Variants in SLC38A7 observed in about 807,000 individuals in gnomAD.
The protein encoded by SLC38A7 is solute carrier family 38 member 7, also known as sodium-coupled neutral amino acid transporter 7.
A neutral mutation model predicts 50.1 loss-of-function variants in SLC38A7; 29 were observed. That is an observed-to-expected ratio of 0.58 (90% CI 0.43 to 0.79). The LOEUF is 0.79. Ranked by LOEUF, SLC38A7 falls within the 30% of genes least tolerant of loss-of-function variation. The pLI is 0.00. For missense variants in SLC38A7, 483 were observed against 610.6 expected (o/e 0.79, Z 2.20); for synonymous variants, 244 against 245.9 (o/e 0.99, Z 0.07).
At chr16:58,672,923 CCTT>C (rs962067999) in intron 8 of SLC38A7, among the ~76,000 whole-genome samples, 5 of 151,796 alleles carry the variant, frequency 3.3e-5, no homozygotes, top group African/African-American at 1.2e-4. Flanking sequence ...CTACACCCAG[CCTT>C]CTTCTTTTTT....
intron 9 of SLC38A7, chr16:58,671,496 G>A (rs1313788329): frequency 1.7e-6 from 1 of 573,082 alleles, no homozygotes; most frequent in East Asian, 2.9e-5. Context: ...AAAAGGAACT[G>A]TCTGGGGCAT....
intron 2 of SLC38A7, among the ~76,000 whole-genome samples, chr16:58,682,901 C>CA (rs1371600606): frequency 1.3e-5 from 2 of 152,170 alleles, no homozygotes; most frequent in African/African-American, 4.8e-5. Flanking sequence ...GCTAGGATTA[C>CA]AGGCGTGAGC....
intron 2 of SLC38A7, among the ~76,000 whole-genome samples, chr16:58,683,421 C>G (rs2044433227): frequency 6.6e-6 from 1 of 152,182 alleles, no homozygotes; most frequent in South Asian, 2.1e-4. Flanking sequence ...CATCTGTTAT[C>G]AAGCATGGAA....
intron 11 of SLC38A7, 84 bp downstream of exon 11, chr16:58,670,029 C>A (rs1001823767): frequency 5.8e-6 from 7 of 1,203,312 alleles, no homozygotes; most frequent in Non-Finnish European, 8.4e-6. Context: ...AAGCCTCTGA[C>A]TCCTATCTGT....
intron 6 of SLC38A7, among the ~76,000 whole-genome samples, chr16:58,676,696 G>A (rs1287686708): frequency 6.6e-6 from 1 of 152,148 alleles, no homozygotes; most frequent in African/African-American, 2.4e-5. Flanking sequence ...CTGTCACCCA[G>A]GCTGGAGTGC....
chr16:58,680,070 G>A lies in SLC38A7; in HGVS notation c.57C>T (p.Ala19=), dbSNP rs780940244. 36 of 1,574,226 alleles carry A rather than the reference G, an allele frequency of 2.3e-5. No homozygotes were observed. Among genetic ancestry groups the A allele is most frequent in the Admixed American group, 2.0e-4 (11 of 54,966 alleles). The change falls in exon 3 of 12, where the codon GCC becomes GCT. Residue 19 remains alanine (A), a synonymous_variant. Coordinates refer to ENST00000219320, the MANE Select transcript of SLC38A7 (RefSeq NM_018231.3). ...DYSEWDLSTD[A]GERARLLQSP... ...TCTGCAGCAGCCGAGCCCGCTCCCC[G>A]GCATCCGTGCTCAAGTCCCACTCGC... is the stretch of plus-strand genomic sequence containing the variant.
intron 8 of SLC38A7, among the ~76,000 whole-genome samples, chr16:58,672,658 CT>C (rs548768365): frequency 7.7e-4 from 117 of 152,190 alleles, no homozygotes; most frequent in Middle Eastern, 3.4e-3. Flanking sequence ...TTTTTCTTTT[CT>C]TTTTTGAGAC....
In SLC38A7 at chr16:58,666,816, T is replaced by C. The variant is rs1567467263; in HGVS notation, c.*569A>G. The stretch of plus-strand genomic sequence containing the variant: ...CCCCTCAAGGCCTGGGAAATGTCTA[T>C]TAGCTATGGGAAAGAGGCTGACAGG... On this transcript the variant is annotated 3_prime_UTR_variant, in exon 12 of 12. Transcript: ENST00000219320. 6.5e-6 allele frequency: 1 copy of C among 153,206 alleles called. No individual in the cohort carries two copies. The highest frequency in any genetic ancestry group is 1.5e-5 in the Non-Finnish European group (1 of 68,536). The allele number at this position is 153,206 out of a possible 1,614,324, so 9.5% of individuals were successfully genotyped here. A position where few individuals can be genotyped will look rare whatever the true frequency, so the allele number is the denominator to read the frequency against.
At chr16:58,674,230 A>G (rs1257782397) in intron 8 of SLC38A7, among the ~76,000 whole-genome samples, 1 of 151,986 alleles carries the variant, frequency 6.6e-6, no homozygotes, top group African/African-American at 2.4e-5. Context: ...CAGCTTTTCA[A>G]AGTGTTGGGA....
chr16:58,678,918 G>A lies in SLC38A7; in HGVS notation c.271-24C>T, dbSNP rs1449221388. ...CCCTGCAGGCAGAGGCAGAACAAGAGCTTGTGGCAAAGGCCTGGCAGCAGA... is the reference window on the plus strand; with the variant it reads ...CCCTGCAGGCAGAGGCAGAACAAGAACTTGTGGCAAAGGCCTGGCAGCAGA... On this transcript the variant is annotated intron_variant, in intron 3 of 11. Transcript: ENST00000219320. The surrounding 1 kb of genome is among the most constrained non-coding windows in gnomAD (Gnocchi z 4.0). The A allele has an allele frequency of 2.5e-6, 4 of 1,606,954 alleles. No individual in the cohort carries two copies. The highest frequency in any genetic ancestry group is 3.4e-6 in the Non-Finnish European group (4 of 1,178,602).
intron 3 of SLC38A7, chr16:58,679,582 G>C: frequency 1.9e-6 from 1 of 531,222 alleles, no homozygotes; most frequent in Non-Finnish European, 3.3e-6. Context: ...TAAAAGATAA[G>C]GGCCCTCTTT....
chr16:58,680,252 C>A lies in SLC38A7; in HGVS notation c.-115-11G>T. On this transcript the variant is annotated splice_polypyrimidine_tract_variant and intron_variant, in intron 2 of 11. Transcript: ENST00000219320. Reference sequence around the variant, plus strand: ...AGGACTCTTCTCAACCTAGATGGGACAAAGGCAGGCACTACTGTTATCCTA... The same window carrying A: ...AGGACTCTTCTCAACCTAGATGGGAAAAAGGCAGGCACTACTGTTATCCTA... 10 of 1,065,634 alleles carry A rather than the reference C, an allele frequency of 9.4e-6. No homozygotes were observed. The highest frequency in any genetic ancestry group is 1.3e-5 in the Non-Finnish European group (10 of 797,946). The allele number at this position is 1,065,634 out of a possible 1,614,324, so 66.0% of individuals were successfully genotyped here.
In SLC38A7 at chr16:58,680,026, G is replaced by T. The variant is rs1219695883; in HGVS notation, c.101C>A (p.Ala34Asp). The change falls in exon 3 of 12, where the codon GCC becomes GAC. Residue 34 changes from alanine to aspartate, a missense_variant. By Grantham distance (126) the Ala-to-Asp change is moderately radical. Coordinates refer to ENST00000219320, the MANE Select transcript of SLC38A7 (RefSeq NM_018231.3). ...AGAGGCTTCCCACTCACTCTTGGGG[G>T]CTGTGTCCACACAGGGACTCTGCAG... ...RLLQSPCVDT[A>D]PKSEWEASPG... The T allele has an allele frequency of 2.5e-6, 4 of 1,608,788 alleles. No homozygotes were observed. The highest frequency in any genetic ancestry group is 3.4e-6 in the Non-Finnish European group (4 of 1,177,150).
At chr16:58,679,040 C>T (rs2044330299) in intron 3 of SLC38A7, 146 bp from the exon 4 acceptor site, 3 of 777,236 alleles carry the variant, frequency 3.9e-6, no homozygotes, top group Non-Finnish European at 4.0e-6. Flanking sequence ...TAGAGGATGC[C>T]GAGTTGAGAT....
intron 8 of SLC38A7, among the ~76,000 whole-genome samples, chr16:58,675,629 T>C (rs557905044): frequency 6.6e-6 from 1 of 152,334 alleles, no homozygotes; most frequent in East Asian, 1.9e-4. Context: ...CCTGCATGAC[T>C]GTCTCTCCAA....
At chr16:58,669,470 T>C (rs2044116176) in intron 11 of SLC38A7, among the ~76,000 whole-genome samples, 2 of 151,956 alleles carry the variant, frequency 1.3e-5, no homozygotes, top group South Asian at 4.2e-4. Context: ...TACATCTCCA[T>C]AGCTATGTGT....
intron 5 of SLC38A7, 147 bp from the exon 6 acceptor site, chr16:58,677,571 G>C: frequency 1.5e-6 from 1 of 671,444 alleles, no homozygotes; most frequent in Non-Finnish European, 2.6e-6. Flanking sequence ...GGAAACGCCT[G>C]AGAAGTAGTT....
At chr16:58,675,307 G>C (rs1197812406) in intron 8 of SLC38A7, 1 of 405,000 alleles carries the variant, frequency 2.5e-6, no homozygotes, top group African/African-American at 2.2e-5. Context: ...AGGAATTCAA[G>C]ACCAGGCTAG....
rs1469485330 is a variant in SLC38A7 at position 58,678,285 on chromosome 16, C to A, written c.611+48G>T. On this transcript the variant is annotated intron_variant, in intron 5 of 11. Transcript: ENST00000219320. The surrounding 1 kb of genome is among the most constrained non-coding windows in gnomAD (Gnocchi z 4.0). ...TCCCCAGGAGCCCTTGGGTCTACAG[C>A]TGCCCAGGATCATAGCTTCTGTCTG... 1 of 1,486,854 alleles carries A rather than the reference C, an allele frequency of 6.7e-7. No homozygotes were observed. Among genetic ancestry groups the A allele is most frequent in the African/African-American group, 1.4e-5 (1 of 71,350 alleles). 92.1% of individuals were successfully genotyped at this position (1,486,854 alleles called of 1,614,324 possible).
Sources: allele counts gnomAD v4.1 joint callset (sites outside exome capture counted in the v4.1 genomes callset), GRCh38; gene constraint gnomAD v4.1.1; non-coding constraint Gnocchi (gnomAD v3.1); transcripts MANE v1.5; gene names NCBI Gene and HGNC (gene_info 2026-07-23, HGNC 2026-07-21).